Variants in RBFOX1 observed in about 807,000 individuals in gnomAD.
RBFOX1 encodes the protein RNA binding fox-1 homolog 1.
A neutral mutation model predicts 57.7 loss-of-function variants in RBFOX1; 8 were observed. The observed-to-expected ratio is 0.14, with a 90% CI of 0.08 to 0.25. RBFOX1 has a LOEUF of 0.25. Among genes scored for constraint, RBFOX1 ranks in the 10% least tolerant of loss-of-function variants. The pLI is 1.00. For synonymous variants in RBFOX1, 326 were observed against 222.4 expected, an observed-to-expected ratio of 1.47 and a Z score of -4.15; for missense variants, 611 against 548.5, an observed-to-expected ratio of 1.11 and a Z score of -1.14.
At chr16:5,866,605 T>TA (rs1348498937) in intron 3 of RBFOX1, among the ~76,000 whole-genome samples, 5 of 152,246 alleles carry the variant, frequency 3.3e-5, no homozygotes, top group African/African-American at 1.2e-4. Context: ...AATCCTTTGA[T>TA]ATACAGTAGG....
At chr16:5,846,065 C>A (rs2056748497) in intron 3 of RBFOX1, among the ~76,000 whole-genome samples, 1 of 151,910 alleles carries the variant, frequency 6.6e-6, no homozygotes, top group South Asian at 2.1e-4. Context: ...CCCAGTAATC[C>A]TAACTACTTG....
At chr16:6,860,736 C>T (rs774615836) in intron 3 of RBFOX1, among the ~76,000 whole-genome samples, 7 of 152,016 alleles carry the variant, frequency 4.6e-5, no homozygotes, top group Middle Eastern at 3.4e-3. Flanking sequence ...CTCTGTGTGC[C>T]AGTGTGGATA....
intron 2 of RBFOX1, among the ~76,000 whole-genome samples, chr16:6,547,593 C>G (rs2096914007): frequency 6.6e-6 from 1 of 152,022 alleles, no homozygotes; most frequent in Non-Finnish European, 1.5e-5. Context: ...TTTTCTCTGT[C>G]TCCTGAGGGA....
chr16:6,258,502 C>G (rs112949395), intron 1 of RBFOX1, among the ~76,000 whole-genome samples: 1 of 152,182 alleles, frequency 6.6e-6, no homozygotes, highest in African/African-American at 2.4e-5. Flanking sequence ...TCTTCCATCA[C>G]AATTCTGTTT....
At chr16:6,802,405 A>C (rs770872690) in intron 3 of RBFOX1, among the ~76,000 whole-genome samples, 8 of 152,120 alleles carry the variant, frequency 5.3e-5, no homozygotes, top group Non-Finnish European at 8.8e-5. Flanking sequence ...GGCCTGGCGC[A>C]GTGGCTCATG....
intron 4 of RBFOX1, among the ~76,000 whole-genome samples, chr16:7,462,418 G>A (rs1456287626): frequency 6.6e-6 from 1 of 152,210 alleles, no homozygotes; most frequent in Non-Finnish European, 1.5e-5. Flanking sequence ...TTAAACCCAG[G>A]AGGCAGAGAT....
chr16:7,480,358 T>C (rs1341428218), intron 4 of RBFOX1, among the ~76,000 whole-genome samples: 1 of 152,348 alleles, frequency 6.6e-6, no homozygotes, highest in African/African-American at 2.4e-5. Flanking sequence ...ACTATCCTTT[T>C]ACTGTTTAGA....
chr16:6,057,092 T>A (rs1161751890), intron 1 of RBFOX1: 1 of 152,104 alleles, frequency 6.6e-6, no homozygotes, highest in East Asian at 1.9e-4. Context: ...GGGGGAATAT[T>A]GCAATAAATC....
upstream of RBFOX1, among the ~76,000 whole-genome samples, chr16:6,016,007 T>C (rs1044872396): frequency 6.6e-6 from 1 of 152,222 alleles, no homozygotes; most frequent in African/African-American, 2.4e-5. Context: ...GATGAGCAGG[T>C]TGACTTCTCA....
intron 1 of RBFOX1, among the ~76,000 whole-genome samples, chr16:5,371,078 G>A (rs1001630669): frequency 6.6e-6 from 1 of 152,212 alleles, no homozygotes; most frequent in Non-Finnish European, 1.5e-5. Flanking sequence ...CTCCCAAGTA[G>A]CTGGGACTAC....
At chr16:6,114,734 G>A (rs2096481633) in intron 1 of RBFOX1, among the ~76,000 whole-genome samples, 3 of 152,128 alleles carry the variant, frequency 2.0e-5, no homozygotes, top group Non-Finnish European at 1.5e-5. Flanking sequence ...GGCTAGTGAT[G>A]CAGGACGGGC....
chr16:5,986,562 G>C (rs970339561), intron 4 of RBFOX1, among the ~76,000 whole-genome samples: 2 of 152,066 alleles, frequency 1.3e-5, no homozygotes, highest in Non-Finnish European at 2.9e-5. Flanking sequence ...CTCCTGTCAC[G>C]TGTTACCACT....
intron 4 of RBFOX1, among the ~76,000 whole-genome samples, chr16:7,105,450 C>G (rs755292653): frequency 3.3e-5 from 5 of 152,046 alleles, no homozygotes; most frequent in African/African-American, 4.8e-5. Context: ...ACACTGCACC[C>G]AATTTGTAGT....
intron 4 of RBFOX1, among the ~76,000 whole-genome samples, chr16:7,515,532 T>G (rs2152118285): frequency 6.6e-6 from 1 of 152,170 alleles, no homozygotes; most frequent in South Asian, 2.1e-4. Context: ...GTGATGGATA[T>G]GCTAATTACC....
chr16:7,678,513 T>A (rs1462679915), intron 14 of RBFOX1, among the ~76,000 whole-genome samples: 1 of 152,184 alleles, frequency 6.6e-6, no homozygotes, highest in African/African-American at 2.4e-5. Context: ...AACACCCACT[T>A]TGTATATAAT....
At chr16:6,979,617 T>A (rs1261783843) in intron 3 of RBFOX1, among the ~76,000 whole-genome samples, 1 of 152,150 alleles carries the variant, frequency 6.6e-6, no homozygotes, top group Non-Finnish European at 1.5e-5. Context: ...CATTCACAGT[T>A]TGGGGAGCTC....
At chr16:7,179,528 A>C (rs1240143397) in intron 4 of RBFOX1, among the ~76,000 whole-genome samples, 2 of 152,138 alleles carry the variant, frequency 1.3e-5, no homozygotes, top group South Asian at 2.1e-4. Context: ...GTTTGCTGTT[A>C]GACCTGTTAG....
At chr16:6,903,169 C>G (rs1024933431) in intron 3 of RBFOX1, among the ~76,000 whole-genome samples, 2 of 152,134 alleles carry the variant, frequency 1.3e-5, no homozygotes, top group East Asian at 3.9e-4. Flanking sequence ...AGGAGCCTTT[C>G]AGATGGCAGG....
chr16:5,956,231 A>G (rs1425052687), intron 4 of RBFOX1, among the ~76,000 whole-genome samples: 3 of 152,114 alleles, frequency 2.0e-5, no homozygotes, highest in Admixed American at 1.3e-4. Context: ...AGCCGAGATT[A>G]CTCCACTGCA....
Sources: gnomAD v4.1 joint callset for allele counts (sites outside exome capture counted in the v4.1 genomes callset) on GRCh38, gnomAD v4.1.1 for gene constraint, MANE v1.5 for transcripts, NCBI Gene and HGNC (gene_info 2026-07-23, HGNC 2026-07-21) for gene names.